RALYL: variants seen among roughly 807,000 people sequenced by gnomAD.
The protein encoded by RALYL is RNA-binding Raly-like protein.
Under a neutral mutation model 35.1 loss-of-function variants are expected in RALYL, and 29 were observed. The ratio of observed to expected loss-of-function variants is 0.83; its 90% CI spans 0.61 to 1.13. RALYL has a LOEUF of 1.13. Ranked by LOEUF, RALYL falls within the 50% of genes most tolerant of loss-of-function variation. The probability of loss-of-function intolerance (pLI) is 0.00; values close to 1 mark genes in which losing one functional copy is unlikely to be tolerated. For missense variants in RALYL, 359 were observed against 360.4 expected (o/e 1.00, Z 0.03); for synonymous variants, 120 against 127.6 (o/e 0.94, Z 0.40).
chr8:84,714,894 A>G (rs951531588), intron 2 of RALYL, among the ~76,000 whole-genome samples: 9 of 151,976 alleles, frequency 5.9e-5, no homozygotes, highest in Non-Finnish European at 1.0e-4. Flanking sequence ...TATGTAATAC[A>G]CTAAAAATAT....
intron 8 of RALYL, among the ~76,000 whole-genome samples, chr8:84,890,967 A>T (rs1843743767): frequency 6.6e-6 from 1 of 152,160 alleles, no homozygotes; most frequent in South Asian, 2.1e-4. Flanking sequence ...GGGAACAAAA[A>T]GCCCCTACAT....
chr8:84,528,411 G>A (rs528869403), intron 1 of RALYL, among the ~76,000 whole-genome samples: 2 of 152,052 alleles, frequency 1.3e-5, no homozygotes, highest in Non-Finnish European at 2.9e-5. Flanking sequence ...AAATCTATAT[G>A]TGCTGGAATA....
chr8:84,724,526 C>T (rs1428035531), intron 2 of RALYL, among the ~76,000 whole-genome samples: 1 of 151,748 alleles, frequency 6.6e-6, no homozygotes, highest in South Asian at 2.1e-4. Flanking sequence ...CCATCTTTGA[C>T]ATTCATTTAG....
chr8:84,622,493 G>A (rs999690492), intron 2 of RALYL, among the ~76,000 whole-genome samples: 2 of 152,134 alleles, frequency 1.3e-5, no homozygotes, highest in African/African-American at 4.8e-5. Context: ...ACAGAGAGTG[G>A]CATCATTTCC....
chr8:84,908,781 G>A (rs1307808907), intron 8 of RALYL, among the ~76,000 whole-genome samples: 1 of 151,784 alleles, frequency 6.6e-6, no homozygotes, highest in Non-Finnish European at 1.5e-5. Flanking sequence ...GAAATGCAGA[G>A]CTCAATCCTG....
At position 84,342,277 on chromosome 8, in the gene RALYL, A is replaced by ATATATATATATATATATATATATAT. The variant is rs1848942440; in HGVS notation, c.-24+157853_-24+157854insTATATATATATATATATATATATAT. ...TGAGTGAGGGTACAGAGCATCGTTCAATATATATATATATATATAAAACTC... is the reference window on the plus strand; with the variant it reads ...TGAGTGAGGGTACAGAGCATCGTTCATATATATATATATATATATATATATATATATATATATATATATAAAACTC... On this transcript the variant is annotated intron_variant, in intron 1 of 8. Transcript: ENST00000521268. Among the ~76,000 whole-genome samples, 12 of 66,136 alleles carry ATATATATATATATATATATATATAT rather than the reference A, an allele frequency of 1.8e-4. 1 individual carries two copies. Among genetic ancestry groups the ATATATATATATATATATATATATAT allele is most frequent in the African/African-American group, 4.5e-4 (6 of 13,340 alleles). 43.4% of individuals were successfully genotyped at this position (66,136 alleles called of 152,430 possible).
chr8:84,285,919 A>G (rs1232929756), intron 1 of RALYL, among the ~76,000 whole-genome samples: 2 of 151,972 alleles, frequency 1.3e-5, no homozygotes, highest in Non-Finnish European at 2.9e-5. Context: ...GTTTAGAAGG[A>G]CCTCTGGGTG....
At chr8:84,805,665 G>A (rs573099120) in intron 4 of RALYL, among the ~76,000 whole-genome samples, 146 of 152,134 alleles carry the variant, frequency 9.6e-4, no homozygotes, top group African/African-American at 3.5e-3. Context: ...CTCCAGCCTG[G>A]GTGACAGAGC....
intron 1 of RALYL, among the ~76,000 whole-genome samples, chr8:84,191,551 C>A (rs1813881142): frequency 6.6e-6 from 1 of 151,910 alleles, no homozygotes; most frequent in African/African-American, 2.4e-5. Flanking sequence ...TAAGTCTGGG[C>A]AGAAAAAACA....
At chr8:84,274,562 A>G (rs1246850318) in intron 1 of RALYL, among the ~76,000 whole-genome samples, 1 of 152,168 alleles carries the variant, frequency 6.6e-6, no homozygotes, top group Admixed American at 6.6e-5. Context: ...TTTTTGGGCA[A>G]TAAAGCAAAT....
intron 1 of RALYL, among the ~76,000 whole-genome samples, chr8:84,469,549 T>C: frequency 6.6e-6 from 1 of 152,200 alleles, no homozygotes; most frequent in Non-Finnish European, 1.5e-5. Flanking sequence ...TCTTCAAAGC[T>C]GTCAGACAGG....
chr8:84,843,412 G>A (rs1011148619), intron 4 of RALYL, among the ~76,000 whole-genome samples: 4 of 152,114 alleles, frequency 2.6e-5, no homozygotes, highest in African/African-American at 9.7e-5. Flanking sequence ...ACTTACAAGG[G>A]ATATGAAGGA....
chr8:84,784,533 T>C (rs1818920003), intron 3 of RALYL, among the ~76,000 whole-genome samples: 1 of 152,228 alleles, frequency 6.6e-6, no homozygotes, highest in African/African-American at 2.4e-5. Flanking sequence ...TTACAAATCA[T>C]AAGCTAGAAG....
intron 2 of RALYL, among the ~76,000 whole-genome samples, chr8:84,639,484 C>T (rs556670499): frequency 6.6e-6 from 1 of 152,036 alleles, no homozygotes; most frequent in African/African-American, 2.4e-5. Flanking sequence ...TATAGTGAAA[C>T]TTGTCTGACT....
chr8:84,860,474 A>T (rs112088165), intron 5 of RALYL, among the ~76,000 whole-genome samples: 15 of 152,310 alleles, frequency 9.8e-5, no homozygotes, highest in African/African-American at 3.6e-4. Flanking sequence ...TCACTGACTT[A>T]AGGTGCTCTG....
chr8:84,286,227 C>T (rs745576410), intron 1 of RALYL, among the ~76,000 whole-genome samples: 34 of 152,000 alleles, frequency 2.2e-4, no homozygotes, highest in Admixed American at 1.4e-3. Flanking sequence ...TGCGCCTGGC[C>T]GAATGTTTTT....
chr8:84,828,115 A>G (rs2134336719), intron 4 of RALYL, among the ~76,000 whole-genome samples: 1 of 152,304 alleles, frequency 6.6e-6, no homozygotes, highest in East Asian at 1.9e-4. Context: ...ATACAATTTA[A>G]TATGTGGGAA....
chr8:84,539,833 C>CATATAT (rs768941805), intron 2 of RALYL, among the ~76,000 whole-genome samples: 2 of 23,174 alleles, frequency 8.6e-5, no homozygotes, highest in Admixed American at 5.2e-4. Flanking sequence ...ATCAAGTATA[C>CATATAT]ATATATATAT....
intron 1 of RALYL, among the ~76,000 whole-genome samples, chr8:84,243,237 G>A (rs1487513946): frequency 6.6e-6 from 1 of 152,150 alleles, no homozygotes; most frequent in Non-Finnish European, 1.5e-5. Context: ...ATAGTTTGAA[G>A]TTGGGTAGCA....
Sources: gnomAD v4.1 joint callset for allele counts (sites outside exome capture counted in the v4.1 genomes callset) on GRCh38, gnomAD v4.1.1 for gene constraint, MANE v1.5 for transcripts, NCBI Gene and HGNC (gene_info 2026-07-23, HGNC 2026-07-21) for gene names.